SCMH1: variants seen among roughly 807,000 people sequenced by gnomAD.
SCMH1 encodes Scm polycomb group protein homolog 1.
A neutral mutation model predicts 70.8 loss-of-function variants in SCMH1; 37 were observed. The observed-to-expected ratio is 0.52, with a 90% CI of 0.40 to 0.69. The LOEUF is 0.69. Among genes scored for constraint, SCMH1 ranks in the 30% least tolerant of loss-of-function variants. The pLI, the probability that SCMH1 is intolerant of heterozygous loss-of-function variation, is 0.00. For missense variants in SCMH1, 607 were observed against 827.3 expected, an observed-to-expected ratio of 0.73 and a Z score of 3.27; for synonymous variants, 292 against 307.4, an observed-to-expected ratio of 0.95 and a Z score of 0.52.
chr1:41,098,043 T>G (rs1665574294), intron 8 of SCMH1, among the ~76,000 whole-genome samples: 1 of 152,190 alleles, frequency 6.6e-6, no homozygotes, highest in Admixed American at 6.5e-5. Context: ...CTAAACATCC[T>G]TCAGCAAATG....
intron 6 of SCMH1, among the ~76,000 whole-genome samples, chr1:41,123,116 A>C (rs1672344381): frequency 6.6e-6 from 1 of 152,120 alleles, no homozygotes; most frequent in Non-Finnish European, 1.5e-5. Context: ...AGCTACGTGG[A>C]AGGCTCATGC....
At chr1:41,046,303 G>C in intron 12 of SCMH1, 104 bp downstream of exon 12, 1 of 902,548 alleles carries the variant, frequency 1.1e-6, no homozygotes, top group South Asian at 1.6e-5. Context: ...CCTCTAGATA[G>C]TAGGTGCCAG....
chr1:41,160,981 A>T (rs1402693157), intron 3 of SCMH1, 83 bp from the exon 4 acceptor site: 8 of 1,303,460 alleles, frequency 6.1e-6, no homozygotes, highest in Admixed American at 6.0e-5. Flanking sequence ...GGGGTAAAAT[A>T]GGAAATCGAG....
At chr1:41,075,945 T>C (rs1658166443) in intron 8 of SCMH1, among the ~76,000 whole-genome samples, 1 of 152,214 alleles carries the variant, frequency 6.6e-6, no homozygotes, top group Non-Finnish European at 1.5e-5. Flanking sequence ...AGTTTTAGTT[T>C]GACTATTGCA....
chr1:41,205,996 A>C (rs894829860), intron 1 of SCMH1, among the ~76,000 whole-genome samples: 9 of 152,228 alleles, frequency 5.9e-5, no homozygotes, highest in Non-Finnish European at 1.0e-4. Context: ...AATAGCATCA[A>C]CATCAACAAA....
At chr1:41,122,003 C>T (rs1352939396) in intron 6 of SCMH1, among the ~76,000 whole-genome samples, 1 of 152,114 alleles carries the variant, frequency 6.6e-6, no homozygotes, top group Non-Finnish European at 1.5e-5. Context: ...GCTATATTAC[C>T]CTAATTTAAG....
chr1:41,237,914 C>T (rs150040225), intron 1 of SCMH1, among the ~76,000 whole-genome samples: 2 of 152,090 alleles, frequency 1.3e-5, no homozygotes, highest in East Asian at 1.9e-4. Context: ...AGCATAAGCC[C>T]CTTAAATGAA....
chr1:41,133,623 GA>G (rs1393094310), intron 6 of SCMH1, among the ~76,000 whole-genome samples: 3 of 151,792 alleles, frequency 2.0e-5, no homozygotes, highest in Non-Finnish European at 4.4e-5. Flanking sequence ...TGATCCCACA[GA>G]AATACAAACT....
At chr1:41,218,453 G>A (rs985952987) in intron 1 of SCMH1, among the ~76,000 whole-genome samples, 8 of 152,116 alleles carry the variant, frequency 5.3e-5, no homozygotes, top group African/African-American at 1.9e-4. Context: ...CCAGAGACTG[G>A]AGTAATACAA....
intron 6 of SCMH1, among the ~76,000 whole-genome samples, chr1:41,130,493 C>CCA (rs1275012872): frequency 6.6e-6 from 1 of 152,000 alleles, no homozygotes; most frequent in Non-Finnish European, 1.5e-5. Context: ...GATTTAGACC[C>CCA]CACATTCAGG....
intron 6 of SCMH1, among the ~76,000 whole-genome samples, chr1:41,130,037 G>A (rs796789960): frequency 2.6e-5 from 4 of 152,182 alleles, no homozygotes; most frequent in African/African-American, 9.6e-5. Flanking sequence ...TGAATGTGAA[G>A]TGTCATCTCA....
At chr1:41,030,654 C>T (rs1464174674) in intron 13 of SCMH1, among the ~76,000 whole-genome samples, 1 of 152,098 alleles carries the variant, frequency 6.6e-6, no homozygotes, top group Non-Finnish European at 1.5e-5. Flanking sequence ...ATCCAATTAC[C>T]CTAGTTTCCC....
chr1:41,093,833 C>T (rs149569574), intron 8 of SCMH1, among the ~76,000 whole-genome samples: 149 of 152,280 alleles, frequency 9.8e-4, no homozygotes, highest in African/African-American at 3.3e-3. Flanking sequence ...CACAAGGTTT[C>T]CAAAATTCTA....
intron 2 of SCMH1, among the ~76,000 whole-genome samples, chr1:41,182,824 C>T (rs1649186960): frequency 6.6e-6 from 1 of 152,086 alleles, no homozygotes; most frequent in African/African-American, 2.4e-5. Flanking sequence ...GAAAAAGAAA[C>T]AAATGCATTA....
Position 41,058,375 on chromosome 1 carries a change from C to CTTTTTT in SCMH1, c.1106-9486_1106-9485insAAAAAA, listed in dbSNP as rs1252087982. On this transcript the variant is annotated intron_variant, in intron 10 of 14. Transcript: ENST00000337495. ...ATTTTAGTATTTATACATTTTCTTTCTTGTTTTTTTTTTTTTTTTTTTTTT... is the reference window on the plus strand; with the variant it reads ...ATTTTAGTATTTATACATTTTCTTTCTTTTTTTTGTTTTTTTTTTTTTTTTTTTTTT... 3.4e-3 allele frequency among the ~76,000 whole-genome samples: 131 copies of CTTTTTT among 38,818 alleles called. 2 individuals are homozygous for CTTTTTT. Among genetic ancestry groups the CTTTTTT allele is most frequent in the African/African-American group, 6.3e-3 (42 of 6,640 alleles). 25.5% of individuals were successfully genotyped at this position (38,818 alleles called of 152,430 possible).
At chr1:41,179,894 T>G (rs976844943) in intron 2 of SCMH1, among the ~76,000 whole-genome samples, 14 of 152,182 alleles carry the variant, frequency 9.2e-5, no homozygotes, top group Non-Finnish European at 1.6e-4. Flanking sequence ...TACCAAAGTC[T>G]GGCAGAGACA....
At chr1:41,105,130 T>C (rs1396832586) in intron 8 of SCMH1, among the ~76,000 whole-genome samples, 1 of 151,760 alleles carries the variant, frequency 6.6e-6, no homozygotes, top group Non-Finnish European at 1.5e-5. Flanking sequence ...TAATTTTTTT[T>C]TTTTTTGTAT....
chr1:41,074,965 T>A (rs548139470), intron 9 of SCMH1, among the ~76,000 whole-genome samples: 8 of 152,238 alleles, frequency 5.3e-5, no homozygotes, highest in Non-Finnish European at 7.4e-5. Flanking sequence ...CGGGTTCACG[T>A]CATTCTCCTG....
chr1:41,242,012 C>A lies in SCMH1; in HGVS notation c.-118+47G>T, dbSNP rs1463099486. On this transcript the variant is annotated intron_variant, in intron 1 of 14. Transcript: ENST00000337495. This position sits in a 1 kb window ranked among gnomAD's most constrained non-coding sequence, Gnocchi z 5.2. ...CGCCTTCTGGCCCCAGGCGGCCCCT[C>A]AGGGCACGAGCTCTTAGGCGGGCGG... The A allele has an allele frequency of 1.3e-5, 2 of 152,478 alleles. No individual in the cohort carries two copies. Among genetic ancestry groups the A allele is most frequent in the East Asian group, 1.9e-4 (1 of 5,184 alleles). The allele number at this position is 152,478 out of a possible 1,614,324, so 9.4% of individuals were successfully genotyped here.
Sources: allele counts gnomAD v4.1 joint callset (sites outside exome capture counted in the v4.1 genomes callset), GRCh38; gene constraint gnomAD v4.1.1; non-coding constraint Gnocchi (gnomAD v3.1); transcripts MANE v1.5; gene names NCBI Gene and HGNC (gene_info 2026-07-23, HGNC 2026-07-21).